Variants in SLC22A8 observed in about 807,000 individuals in gnomAD.
The protein encoded by SLC22A8 is solute carrier family 22 member 8.
Under a neutral mutation model 48.4 loss-of-function variants are expected in SLC22A8, and 40 were observed. The ratio of observed to expected loss-of-function variants is 0.83; its 90% confidence interval spans 0.64 to 1.08. The LOEUF (loss-of-function observed/expected upper bound fraction) is 1.08. Among genes scored for constraint, SLC22A8 ranks in the 50% least tolerant of loss-of-function variants. The pLI is 0.00. For synonymous variants in SLC22A8, 268 were observed against 286.3 expected (o/e 0.94, Z 0.65); for missense variants, 606 against 699.0 (o/e 0.87, Z 1.50).
intron 6 of SLC22A8, 79 bp downstream of exon 6, chr11:62,995,950 G>C (rs1282197805): frequency 6.3e-7 from 1 of 1,596,490 alleles, no homozygotes; most frequent in Admixed American, 1.7e-5. Flanking sequence ...TGAGCCAGGG[G>C]AACAGAGGCA....
intron 2 of SLC22A8, 189 bp from the exon 3 acceptor site, chr11:63,001,012 T>C: frequency 1.8e-6 from 1 of 570,196 alleles, no homozygotes; most frequent in South Asian, 2.0e-5. Flanking sequence ...CTTCGGCCCC[T>C]GACCTGCATC....
At chr11:62,994,013 T>G in intron 8 of SLC22A8, 135 bp from the exon 9 acceptor site, 3 of 663,908 alleles carry the variant, frequency 4.5e-6, no homozygotes. Context: ...TGAGTAATGC[T>G]TTGCATGCCT....
rs750308748 is a variant in SLC22A8 at position 62,995,807 on chromosome 11, T to A, written c.898A>T (p.Asn300Tyr). The change falls in exon 7 of 11, where the codon AAC (asparagine) becomes TAC (tyrosine). Residue 300 changes from asparagine to tyrosine, a missense_variant. By Grantham distance (143) the Asn-to-Tyr change is moderately radical. Coordinates refer to ENST00000336232, the MANE Select transcript of SLC22A8 (RefSeq NM_004254.4). Reference sequence around the variant, plus strand: ...GCCAAGGAGATCTCCTTCTGCAGGTTGAGTTTGAGCTCCTTCGGGCAGAGG... The same window carrying A: ...GCCAAGGAGATCTCCTTCTGCAGGTAGAGTTTGAGCTCCTTCGGGCAGAGG... ...ERLSLEELKLNLQKEISLAKA... is the reference protein window; with the variant it reads ...ERLSLEELKLYLQKEISLAKA... The A allele has an allele frequency of 1.3e-5, 21 of 1,613,768 alleles. 1 individual carries two copies. The South Asian group carries it at 2.3e-4, about 18-fold the overall frequency.
At chr11:63,014,586 T>C in intron 2 of SLC22A8, 40 bp downstream of exon 2, 1 of 1,513,590 alleles carries the variant, frequency 6.6e-7, no homozygotes, top group East Asian at 2.3e-5. Context: ...GGTATGGGGG[T>C]ACGTGGGTAA....
intron 2 of SLC22A8, among the ~76,000 whole-genome samples, chr11:63,003,893 C>T (rs1308048237): frequency 1.3e-5 from 2 of 152,166 alleles, no homozygotes; most frequent in Admixed American, 6.5e-5. Flanking sequence ...TAAAATGCTA[C>T]TCACCTTGGA....
At chr11:63,009,583 A>G (rs2086594859) in intron 2 of SLC22A8, among the ~76,000 whole-genome samples, 1 of 152,220 alleles carries the variant, frequency 6.6e-6, no homozygotes, top group Non-Finnish European at 1.5e-5. Context: ...TCGTGTTCCC[A>G]TGCTTTCTAG....
chr11:63,007,149 T>A (rs1447601368), intron 2 of SLC22A8, among the ~76,000 whole-genome samples: 1 of 151,968 alleles, frequency 6.6e-6, no homozygotes, highest in East Asian at 1.9e-4. Context: ...CCACTTGGAG[T>A]CCTTGGATTT....
In SLC22A8 at chr11:62,993,169, C is replaced by T; in HGVS notation, c.*68G>A. 4 of 1,239,228 alleles carry T rather than the reference C, an allele frequency of 3.2e-6. No individual in the cohort carries two copies. The highest frequency in any genetic ancestry group is 4.6e-6 in the Non-Finnish European group (4 of 871,036). The allele number at this position is 1,239,228 out of a possible 1,614,324, so 76.8% of individuals were successfully genotyped here. On this transcript the variant is annotated 3_prime_UTR_variant, in exon 11 of 11. Coordinates refer to ENST00000336232, the MANE Select transcript of SLC22A8 (RefSeq NM_004254.4). ...AGGAGGATGGACCTATATGGGGCCTCCCTATACTCCTAAGGTGCCTGGCTA... is the reference window on the plus strand; with the variant it reads ...AGGAGGATGGACCTATATGGGGCCTTCCTATACTCCTAAGGTGCCTGGCTA...
At chr11:62,998,292 G>A (rs970714652) in intron 5 of SLC22A8, among the ~76,000 whole-genome samples, 1 of 152,080 alleles carries the variant, frequency 6.6e-6, no homozygotes, top group Non-Finnish European at 1.5e-5. Context: ...CTGTCTTTCA[G>A]TGTGGCCTCG....
chr11:63,004,351 C>G (rs773101428), intron 2 of SLC22A8, among the ~76,000 whole-genome samples: 3 of 152,194 alleles, frequency 2.0e-5, no homozygotes, highest in Admixed American at 6.5e-5. Context: ...ATCTTTATCC[C>G]TGTCACCTCT....
chr11:63,011,249 A>G (rs1402087218), intron 2 of SLC22A8, among the ~76,000 whole-genome samples: 1 of 152,200 alleles, frequency 6.6e-6, no homozygotes. Flanking sequence ...CCTGTCCCTC[A>G]GTTTCCTCAT....
Position 62,993,573 on chromosome 11 carries a change from G to A in SLC22A8, c.1380C>T (p.Ser460=). 2 of 1,613,758 alleles carry A rather than the reference G, an allele frequency of 1.2e-6. No homozygotes were observed. The highest frequency in any genetic ancestry group is 1.7e-6 in the Non-Finnish European group (2 of 1,179,674). ...NLWTRVGSMV[S]PLVKITGEVQ... ...CCTCACCCGTGATTTTCACCAGCGGGGACACCATGCTTCCCACGCGGGTCC... is the reference window on the plus strand; with the variant it reads ...CCTCACCCGTGATTTTCACCAGCGGAGACACCATGCTTCCCACGCGGGTCC... The change falls in exon 10 of 11, where the codon TCC becomes TCT. Residue 460 remains serine (S), a synonymous_variant. Coordinates refer to ENST00000336232, the MANE Select transcript of SLC22A8 (RefSeq NM_004254.4).
At chr11:62,994,903 G>A (rs2086396966) in intron 7 of SLC22A8, 147 bp from the exon 8 acceptor site, 2 of 671,070 alleles carry the variant, frequency 3.0e-6, no homozygotes, top group South Asian at 1.7e-5. Flanking sequence ...GTCCTTTTGA[G>A]GTTTCTGAGA....
At chr11:63,013,968 G>A (rs928479760) in intron 2 of SLC22A8, among the ~76,000 whole-genome samples, 10 of 152,168 alleles carry the variant, frequency 6.6e-5, no homozygotes, top group Non-Finnish European at 1.5e-4. Flanking sequence ...AGGGCTGTGG[G>A]AATGAGAGGT....
intron 2 of SLC22A8, 89 bp downstream of exon 2, chr11:63,014,537 C>G (rs2086652141): frequency 8.2e-7 from 1 of 1,217,252 alleles, no homozygotes; most frequent in Admixed American, 2.2e-5. Context: ...CCTGGGAACA[C>G]CAGACCCCAG....
rs1302285594 is a variant in SLC22A8, at chr11:62,999,849, C to G, written c.438-7G>C. Reference sequence around the variant, plus strand: ...GATGGGCCTGCGGCCAAACCTGTAGCTCGAAGGAGAGGAGGGGCCAGGTTA... The same window carrying G: ...GATGGGCCTGCGGCCAAACCTGTAGGTCGAAGGAGAGGAGGGGCCAGGTTA... On this transcript the variant is annotated splice_polypyrimidine_tract_variant and splice_region_variant and intron_variant, in intron 3 of 10. Transcript: ENST00000336232. The G allele has an allele frequency of 5.3e-6, 8 of 1,510,192 alleles. No homozygotes were observed. The Admixed American group carries it at 1.7e-4, about 32-fold the overall frequency. 93.5% of individuals were successfully genotyped at this position (1,510,192 alleles called of 1,614,324 possible).
intron 7 of SLC22A8, 82 bp from the exon 8 acceptor site, chr11:62,994,838 A>T: frequency 9.7e-7 from 1 of 1,032,466 alleles, no homozygotes; most frequent in Non-Finnish European, 1.5e-6. Flanking sequence ...CACCAGGATG[A>T]TGAATAGCTT....
rs567532678 is a variant in SLC22A8, at chr11:62,997,501, C to T, written c.762-1349G>A. Among the ~76,000 whole-genome samples the T allele has an allele frequency of 5.9e-5, 9 of 152,226 alleles. No individual in the cohort carries two copies. In the South Asian group the frequency reaches 1.2e-3, roughly 21 times the overall value. The stretch of plus-strand genomic sequence containing the variant: ...CCTCCCAAAGTGCTGGGATTACAGC[C>T]GTGAGCCACTGCACCCAGCCACCTA... On this transcript the variant is annotated intron_variant, in intron 5 of 10. Transcript: ENST00000336232.
At chr11:63,003,566 G>A (rs903810446) in intron 2 of SLC22A8, among the ~76,000 whole-genome samples, 3 of 152,168 alleles carry the variant, frequency 2.0e-5, no homozygotes, top group Non-Finnish European at 4.4e-5. Context: ...GGCATGCTGT[G>A]TAAAGTCCCT....
Sources: allele counts gnomAD v4.1 joint callset (sites outside exome capture counted in the v4.1 genomes callset), GRCh38; gene constraint gnomAD v4.1.1; transcripts MANE v1.5; gene names NCBI Gene and HGNC (gene_info 2026-07-23, HGNC 2026-07-21).